Variants in UMAD1 observed in about 807,000 individuals in gnomAD.
UMAD1 encodes UBAP1-MVB12-associated (UMA) domain containing 1.
UMAD1 carries 8 observed loss-of-function variants against 6.1 expected under a neutral mutation model. That is an observed-to-expected ratio of 1.30 (90% CI 0.76 to 2.35). The LOEUF is 2.35. UMAD1 is among the 30% of genes most tolerant of loss of function. The pLI, the probability that UMAD1 is intolerant of heterozygous loss-of-function variation, is 0.00. For missense variants in UMAD1, 130 were observed against 78.4 expected, an observed-to-expected ratio of 1.66 and a Z score of -2.49; for synonymous variants, 56 against 31.4, an observed-to-expected ratio of 1.78 and a Z score of -2.61.
intron 1 of UMAD1, among the ~76,000 whole-genome samples, chr7:7,650,717 A>G (rs566406059): frequency 1.7e-4 from 26 of 152,392 alleles, no homozygotes; most frequent in East Asian, 7.7e-4. Flanking sequence ...TTACTAATCC[A>G]GCCATTCTGC....
At chr7:7,731,193 G>C (rs932761610) in intron 2 of UMAD1, among the ~76,000 whole-genome samples, 1 of 152,016 alleles carries the variant, frequency 6.6e-6, no homozygotes, top group African/African-American at 2.4e-5. Flanking sequence ...GAGAGGGGGG[G>C]GTTCCACCAT....
intron 1 of UMAD1, among the ~76,000 whole-genome samples, chr7:7,653,718 G>T (rs1216992601): frequency 6.6e-6 from 1 of 152,182 alleles, no homozygotes; most frequent in African/African-American, 2.4e-5. Flanking sequence ...GCTGCTGAGT[G>T]GTTAATGTTG....
At chr7:7,704,509 A>G (rs529436556) in intron 2 of UMAD1, among the ~76,000 whole-genome samples, 1 of 151,070 alleles carries the variant, frequency 6.6e-6, no homozygotes, top group East Asian at 1.9e-4. Context: ...TAATCCCAGC[A>G]CTTTGGGAAG....
At chr7:7,755,621 A>G (rs1781761938) in intron 2 of UMAD1, among the ~76,000 whole-genome samples, 1 of 152,210 alleles carries the variant, frequency 6.6e-6, no homozygotes, top group African/African-American at 2.4e-5. Flanking sequence ...AGGCTTTTGT[A>G]TTGGCAAAGA....
intron 2 of UMAD1, among the ~76,000 whole-genome samples, chr7:7,709,582 GAAT>G (rs1780697882): frequency 6.6e-6 from 1 of 152,196 alleles, no homozygotes; most frequent in Non-Finnish European, 1.5e-5. Flanking sequence ...TGTGGGATAA[GAAT>G]GGTTTGTCAG....
chr7:7,774,698 T>G (rs1782166895), intron 2 of UMAD1, among the ~76,000 whole-genome samples: 1 of 152,230 alleles, frequency 6.6e-6, no homozygotes, highest in African/African-American at 2.4e-5. Flanking sequence ...TACTTATCTC[T>G]GTTTGATTCC....
chr7:7,797,430 G>T (rs1174831093), intron 2 of UMAD1, among the ~76,000 whole-genome samples: 1 of 152,122 alleles, frequency 6.6e-6, no homozygotes, highest in Non-Finnish European at 1.5e-5. Flanking sequence ...TTACATTAAG[G>T]AGTGGGAACC....
At chr7:7,793,131 G>T (rs1161270709) in intron 2 of UMAD1, among the ~76,000 whole-genome samples, 2 of 152,210 alleles carry the variant, frequency 1.3e-5, no homozygotes, top group East Asian at 3.8e-4. Flanking sequence ...TCGAAACCAA[G>T]ACCTTACCCC....
intron 3 of UMAD1, among the ~76,000 whole-genome samples, chr7:7,834,139 A>C (rs1215611375): frequency 6.8e-6 from 1 of 148,116 alleles, no homozygotes; most frequent in African/African-American, 2.5e-5. Context: ...CTCCTGCCTC[A>C]GCTTCCTGAG....
rs1273066723 is a variant in UMAD1 at position 7,736,319 on chromosome 7, C to T, written c.82+62866C>T. On this transcript the variant is annotated intron_variant, in intron 2 of 3. Transcript: ENST00000682710. ...TCTATTTTGAAATTGCACGTTTCTT[C>T]CTTATAAGTACCAGCTGTCATTCTA... 3 of 152,870 alleles carry T rather than the reference C, an allele frequency of 2.0e-5. No homozygotes were observed. In the Admixed American group the frequency reaches 2.0e-4, roughly 10 times the overall value. 9.5% of individuals were successfully genotyped at this position (152,870 alleles called of 1,614,324 possible).
At chr7:7,795,648 T>G (rs1170555141) in intron 2 of UMAD1, among the ~76,000 whole-genome samples, 6 of 152,226 alleles carry the variant, frequency 3.9e-5, no homozygotes, top group African/African-American at 1.4e-4. Context: ...ATTCATGAGT[T>G]TTTAAGGAAA....
At chr7:7,729,731 A>G (rs1781210997) in intron 2 of UMAD1, among the ~76,000 whole-genome samples, 1 of 152,208 alleles carries the variant, frequency 6.6e-6, no homozygotes, top group Admixed American at 6.5e-5. Context: ...AGACTTTGTC[A>G]GTGGAGCCAG....
chr7:7,747,537 C>A (rs1781595520), intron 2 of UMAD1, among the ~76,000 whole-genome samples: 1 of 152,176 alleles, frequency 6.6e-6, no homozygotes, highest in Non-Finnish European at 1.5e-5. Flanking sequence ...AGCGTCAAAT[C>A]TTAGGTTATC....
rs750286829 is a variant in UMAD1, at chr7:7,693,029, A to G, written c.82+19576A>G. On this transcript the variant is annotated intron_variant, in intron 2 of 3. Transcript: ENST00000682710. ...AGGACCATATGATTACAGGTAATTT[A>G]ATCTTTTTTCTTCCTGTTGATTACT... Among the ~76,000 whole-genome samples, 226 of 152,200 alleles carry G rather than the reference A, an allele frequency of 1.5e-3. 7 individuals are homozygous for G. The highest frequency in any genetic ancestry group is 4.1e-4 in the Non-Finnish European group (28 of 68,038).
intron 3 of UMAD1, among the ~76,000 whole-genome samples, chr7:7,832,203 A>G (rs1176098376): frequency 6.6e-6 from 1 of 152,204 alleles, no homozygotes; most frequent in African/African-American, 2.4e-5. Context: ...GTATTTTGCC[A>G]TTGAGCCTAC....
At chr7:7,872,149 A>T (rs1271483486) in intron 3 of UMAD1, among the ~76,000 whole-genome samples, 3 of 152,244 alleles carry the variant, frequency 2.0e-5, no homozygotes, top group Admixed American at 2.0e-4. Flanking sequence ...TGCTACAGGT[A>T]ATGTACAGGC....
At chr7:7,713,150 A>G (rs1780809122) in intron 2 of UMAD1, among the ~76,000 whole-genome samples, 1 of 152,096 alleles carries the variant, frequency 6.6e-6, no homozygotes, top group African/African-American at 2.4e-5. Flanking sequence ...CAGCCTGACC[A>G]ACATGGTGAA....
chr7:7,813,115 GA>G (rs547881495), intron 3 of UMAD1, among the ~76,000 whole-genome samples: 7 of 151,936 alleles, frequency 4.6e-5, no homozygotes, highest in Non-Finnish European at 1.0e-4. Context: ...TGAATACATA[GA>G]AAAAAAATTA....
intron 1 of UMAD1, among the ~76,000 whole-genome samples, chr7:7,644,112 T>A (rs960533202): frequency 2.0e-5 from 3 of 151,914 alleles, no homozygotes; most frequent in Non-Finnish European, 4.4e-5. Context: ...ACTCTTGGAG[T>A]TTTTTCCCCC....
Sources: gnomAD v4.1 joint callset for allele counts (sites outside exome capture counted in the v4.1 genomes callset) on GRCh38, gnomAD v4.1.1 for gene constraint, MANE v1.5 for transcripts, NCBI Gene and HGNC (gene_info 2026-07-23, HGNC 2026-07-21) for gene names.